Variants in FCRL3 observed in about 807,000 individuals in gnomAD.
The protein encoded by FCRL3 is Fc receptor like 3.
A neutral mutation model predicts 75.0 loss-of-function variants in FCRL3; 89 were observed. The observed-to-expected ratio is 1.19, with a 90% CI of 1.00 to 1.42. The LOEUF is 1.42. Among genes scored for constraint, FCRL3 ranks in the 40% most tolerant of loss-of-function variants. FCRL3 has a pLI of 0.00. For synonymous variants in FCRL3, 376 were observed against 348.5 expected, an observed-to-expected ratio of 1.08 and a Z score of -0.88; for missense variants, 946 against 880.0, an observed-to-expected ratio of 1.07 and a Z score of -0.95.
chr1:157,697,177 G>T lies in FCRL3; in HGVS notation c.807C>A (p.Ile269=), dbSNP rs774696736. The part of the protein sequence containing the change: ...WCEVETVTHS[I]KKRSLRSQIR... The stretch of plus-strand genomic sequence containing the variant: ...TCTGAGATCTCAGGCTCCTTTTTTT[G>T]ATGCTGTGAGTCACTGTCTCCACCT... The change falls in exon 6 of 15, where the codon ATC becomes ATA. Residue 269 remains isoleucine (I), a synonymous_variant. Transcript: ENST00000368184. 1 of 1,512,216 alleles carries T rather than the reference G, an allele frequency of 6.6e-7. No homozygotes were observed. The highest frequency in any genetic ancestry group is 1.4e-5 in the African/African-American group (1 of 71,290). 93.7% of individuals were successfully genotyped at this position (1,512,216 alleles called of 1,614,324 possible).
chr1:157,692,336 T>C (rs1165303892), intron 8 of FCRL3, among the ~76,000 whole-genome samples: 2 of 152,196 alleles, frequency 1.3e-5, no homozygotes, highest in African/African-American at 4.8e-5. Context: ...CCTCCTGGGC[T>C]CAAGTGATCC....
chr1:157,691,080 G>A (rs2101610598), intron 8 of FCRL3, among the ~76,000 whole-genome samples: 3 of 152,198 alleles, frequency 2.0e-5, no homozygotes, highest in East Asian at 3.9e-4. Context: ...CAATAGGATG[G>A]AGAATTATCT....
At chr1:157,700,309 G>A (rs1478640314) in intron 2 of FCRL3, 150 bp downstream of exon 2, 3 of 1,181,236 alleles carry the variant, frequency 2.5e-6, no homozygotes, top group Non-Finnish European at 3.5e-6. Flanking sequence ...GAGCCTCTTG[G>A]TTGTCCAGGG....
At chr1:157,698,048 T>TGGGTGG in intron 4 of FCRL3, 129 bp from the exon 5 acceptor site, 1 of 1,047,092 alleles carries the variant, frequency 9.6e-7, no homozygotes, top group Non-Finnish European at 1.4e-6. Flanking sequence ...CATTGCCATG[T>TGGGTGG]GGCCCCAAAT....
In FCRL3 at chr1:157,699,724, C is replaced by A. The variant is rs374760498; in HGVS notation, c.32-12G>T. 39 of 1,612,860 alleles carry A rather than the reference C, an allele frequency of 2.4e-5. No individual in the cohort carries two copies. Among genetic ancestry groups the A allele is most frequent in the African/African-American group, 1.2e-4 (9 of 74,852 alleles). ...TTCTCTTCCAGGAGCTGTGAGGGAG[C>A]AGAAAATGACAATCAGACACTCTCC... On this transcript the variant is annotated splice_polypyrimidine_tract_variant and intron_variant, in intron 2 of 14. Coordinates refer to ENST00000368184, the MANE Select transcript of FCRL3 (RefSeq NM_052939.4).
intron 13 of FCRL3, among the ~76,000 whole-genome samples, chr1:157,679,628 A>G (rs1428111472): frequency 6.6e-6 from 1 of 152,068 alleles, no homozygotes; most frequent in Non-Finnish European, 1.5e-5. Flanking sequence ...TAGAAATGAC[A>G]GAAACTCCTG....
rs1184770703 is a variant in FCRL3, at chr1:157,680,789, T to C, written c.1958-19A>G. 2 of 1,610,504 alleles carry C rather than the reference T, an allele frequency of 1.2e-6. No homozygotes were observed. On this transcript the variant is annotated intron_variant, in intron 12 of 14. Transcript: ENST00000368184. Reference sequence around the variant, plus strand: ...GGATTTACTGTGAGAGAAGATATCATAGTTGGTTGCAGTCAAGAGCTCATA... The same window carrying C: ...GGATTTACTGTGAGAGAAGATATCACAGTTGGTTGCAGTCAAGAGCTCATA...
intron 7 of FCRL3, 54 bp downstream of exon 7, chr1:157,695,986 G>T: frequency 1.3e-6 from 2 of 1,513,582 alleles, no homozygotes; most frequent in South Asian, 2.5e-5. Flanking sequence ...GGCTGACAGA[G>T]AACCTAAACC....
chr1:157,678,745 T>C lies in FCRL3; in HGVS notation c.2170A>G (p.Asn724Asp). The C allele has an allele frequency of 6.2e-7, 1 of 1,613,994 alleles. No homozygotes were observed. Among genetic ancestry groups the C allele is most frequent in the Non-Finnish European group, 8.5e-7 (1 of 1,179,992 alleles). ...HEEDDEENYE[N>D]VPRVLLASDH is the part of the protein sequence containing the mutation. The stretch of plus-strand genomic sequence containing the variant: ...GAGGCCAGTAATACACGTGGTACAT[T>C]CTCATAGTTTTCTTCATCATCTTCT... The change falls in exon 15 of 15, where the codon AAT becomes GAT. Residue 724 changes from asparagine to aspartate, a missense_variant. By Grantham distance (23) the Asn-to-Asp change is conservative (BLOSUM62 1). Transcript: ENST00000368184.
In FCRL3 at chr1:157,696,279, T is replaced by A. The variant is rs567003130; in HGVS notation, c.893A>T (p.Gln298Leu). 1 of 1,614,062 alleles carries A rather than the reference T, an allele frequency of 6.2e-7. No homozygotes were observed. The highest frequency in any genetic ancestry group is 1.1e-5 in the South Asian group (1 of 91,074). ...VNLEIRPTGGQLIEGENMVLI... is the reference protein window; with the variant it reads ...VNLEIRPTGGLLIEGENMVLI... ...GACCATATTTTCTCCTTCAATCAGC[T>A]GCCCTCCGGTGGGCCGGATCTCTAG... The change falls in exon 7 of 15, where the codon CAG becomes CTG. Residue 298 changes from glutamine (Q) to leucine (L), a missense_variant. By Grantham distance (113) the Gln-to-Leu change is moderately radical (BLOSUM62 -2). Transcript: ENST00000368184.
chr1:157,700,920 C>T (rs575602839), upstream of FCRL3: 21 of 214,522 alleles, frequency 9.8e-5, no homozygotes, highest in Non-Finnish European at 1.4e-4. Flanking sequence ...GCTTAATGAG[C>T]GTGGTGTGAA....
rs142242973 is a variant in FCRL3 at position 157,678,743 on chromosome 1, A to C, written c.2172T>G (p.Asn724Lys). Residue 724 changes from asparagine (N) to lysine (K), a missense_variant, in exon 15 of 15, where the codon AAT becomes AAG. Transcript: ENST00000368184. ...HEEDDEENYE[N>K]VPRVLLASDH Reference sequence around the variant, plus strand: ...CTGAGGCCAGTAATACACGTGGTACATTCTCATAGTTTTCTTCATCATCTT... The same window carrying C: ...CTGAGGCCAGTAATACACGTGGTACCTTCTCATAGTTTTCTTCATCATCTT... The C allele has an allele frequency of 1.2e-6, 2 of 1,614,032 alleles. No homozygotes were observed. The highest frequency in any genetic ancestry group is 3.3e-5 in the Admixed American group (2 of 60,012).
chr1:157,690,482 A>G lies in FCRL3; in HGVS notation c.1463T>C (p.Val488Ala). ...GTGAAGCTCCAGCAGGTCCCCCACC[A>G]CAGCCTGGGCCCCGGGAGCCCTGAG... ...LTLRAPGAQA[V>A]VGDLLELHCE... The change falls in exon 9 of 15, where the codon GTG (valine) becomes GCG (alanine). Residue 488 changes from valine (V) to alanine (A), a missense_variant. By Grantham distance (64) the Val-to-Ala change is moderately conservative (BLOSUM62 0). Coordinates refer to ENST00000368184, the MANE Select transcript of FCRL3 (RefSeq NM_052939.4). 6.2e-7 allele frequency: 1 copy of G among 1,614,208 alleles called. No individual in the cohort carries two copies. Among genetic ancestry groups the G allele is most frequent in the Non-Finnish European group, 8.5e-7 (1 of 1,180,024 alleles).
chr1:157,687,581 T>C (rs1655251878), intron 10 of FCRL3, among the ~76,000 whole-genome samples: 1 of 149,444 alleles, frequency 6.7e-6, no homozygotes, highest in Non-Finnish European at 1.5e-5. Flanking sequence ...GTGGTACATA[T>C]ACACCATGGA....
Position 157,697,711 on chromosome 1 carries a change from A to T in FCRL3, c.507T>A (p.Phe169Leu). ...AAGTTACTTCAATGTCAAGTATGTA[A>T]AACTTCCTATAAGCAGTACAATGAT... ...SKYHCTAYRKFYILDIEVTSK... is the reference protein window; with the variant it reads ...SKYHCTAYRKLYILDIEVTSK... Residue 169 changes from phenylalanine (F) to leucine (L), a missense_variant, in exon 5 of 15, where the codon TTT (phenylalanine) becomes TTA (leucine). By Grantham distance (22) the Phe-to-Leu change is conservative. Transcript: ENST00000368184. The T allele has an allele frequency of 6.2e-7, 1 of 1,613,918 alleles. No individual in the cohort carries two copies. Among genetic ancestry groups the T allele is most frequent in the African/African-American group, 1.3e-5 (1 of 75,038 alleles).
chr1:157,687,380 A>T (rs1261897431), intron 10 of FCRL3, among the ~76,000 whole-genome samples: 1 of 139,718 alleles, frequency 7.2e-6, no homozygotes, highest in Non-Finnish European at 1.5e-5. Flanking sequence ...GGGTTTGGAG[A>T]TTTCTCAAAG....
intron 11 of FCRL3, 54 bp downstream of exon 11, chr1:157,683,163 G>T (rs879223618): frequency 8.6e-5 from 136 of 1,578,318 alleles, no homozygotes; most frequent in Non-Finnish European, 1.1e-4. Flanking sequence ...AACAAGTCTC[G>T]TGCATATAAA....
intron 11 of FCRL3, 94 bp downstream of exon 11, chr1:157,683,123 G>T: frequency 7.2e-7 from 1 of 1,380,040 alleles, no homozygotes; most frequent in Non-Finnish European, 9.9e-7. Flanking sequence ...ATGCTACTAG[G>T]AAATCCATTG....
In FCRL3 at chr1:157,690,495, C is replaced by A; in HGVS notation, c.1450G>T (p.Gly484Trp). The change falls in exon 9 of 15, where the codon GGG becomes TGG. Residue 484 changes from glycine (G) to tryptophan (W), a missense_variant. Gly to Trp is a radical substitution (Grantham distance 184). Transcript: ENST00000368184. ...SRPVLTLRAP[G>W]AQAVVGDLLE... ...AGGTCCCCCACCACAGCCTGGGCCCCGGGAGCCCTGAGGGTGAGGACGGGG... is the reference window on the plus strand; with the variant it reads ...AGGTCCCCCACCACAGCCTGGGCCCAGGGAGCCCTGAGGGTGAGGACGGGG... 3 of 1,614,158 alleles carry A rather than the reference C, an allele frequency of 1.9e-6. No individual in the cohort carries two copies. The highest frequency in any genetic ancestry group is 2.5e-6 in the Non-Finnish European group (3 of 1,180,022).
Sources: allele counts gnomAD v4.1 joint callset (sites outside exome capture counted in the v4.1 genomes callset), GRCh38; gene constraint gnomAD v4.1.1; transcripts MANE v1.5; gene names NCBI Gene and HGNC (gene_info 2026-07-23, HGNC 2026-07-21).